BTAF1: variants seen among roughly 807,000 people sequenced by gnomAD.
The protein encoded by BTAF1 is TATA-binding protein-associated factor 172.
A neutral mutation model predicts 227.1 loss-of-function variants in BTAF1; 38 were observed. The ratio of observed to expected loss-of-function variants is 0.17; its 90% CI spans 0.13 to 0.22. The LOEUF is 0.22. Ranked by LOEUF, BTAF1 falls within the 10% of genes least tolerant of loss-of-function variation. The probability of loss-of-function intolerance (pLI) is 1.00; values close to 1 mark genes in which losing one functional copy is unlikely to be tolerated. For synonymous variants in BTAF1, 742 were observed against 751.9 expected, an observed-to-expected ratio of 0.99 and a Z score of 0.21; for missense variants, 1,598 against 2,204.0, an observed-to-expected ratio of 0.73 and a Z score of 5.51.
In BTAF1 at chr10:91,989,503, C is replaced by T; in HGVS notation, c.2777C>T (p.Ser926Leu). 2 of 1,613,852 alleles carry T rather than the reference C, an allele frequency of 1.2e-6. No homozygotes were observed. The highest frequency in any genetic ancestry group is 1.7e-6 in the Non-Finnish European group (2 of 1,180,036). ...AAAATTATTAAAAACCTCTGTAGCT[C>T]ACTTTGTGTGGACCCATATCTAACT... Reference protein sequence around the residue: ...NSKIIKNLCSSLCVDPYLTPC... With the variant: ...NSKIIKNLCSLLCVDPYLTPC... Residue 926 changes from serine to leucine, a missense_variant, in exon 20 of 38, where the codon TCA becomes TTA. Physicochemically the swap from Ser to Leu is moderately radical, Grantham distance 145. Transcript: ENST00000265990.
At chr10:92,019,547 A>G (rs1186561356) in intron 34 of BTAF1, among the ~76,000 whole-genome samples, 1 of 152,220 alleles carries the variant, frequency 6.6e-6, no homozygotes. Flanking sequence ...GGTAGGTCAT[A>G]CAGCATTTCT....
intron 4 of BTAF1, among the ~76,000 whole-genome samples, chr10:91,947,998 G>T (rs1015762996): frequency 6.6e-6 from 1 of 151,854 alleles, no homozygotes; most frequent in Non-Finnish European, 1.5e-5. Context: ...TGGGTACTTT[G>T]TATTGCTTTA....
intron 19 of BTAF1, among the ~76,000 whole-genome samples, chr10:91,984,916 G>A (rs565563285): frequency 6.6e-5 from 10 of 151,774 alleles, no homozygotes; most frequent in Admixed American, 2.0e-4. Context: ...TTTTAAATGC[G>A]TTTCTAAGTA....
intron 19 of BTAF1, among the ~76,000 whole-genome samples, chr10:91,987,200 T>C (rs1181070671): frequency 6.6e-6 from 1 of 151,806 alleles, no homozygotes; most frequent in Non-Finnish European, 1.5e-5. Flanking sequence ...CTCATGTGTT[T>C]AGGCCGGGCG....
At chr10:92,000,539 G>T (rs1321085801) in intron 25 of BTAF1, among the ~76,000 whole-genome samples, 1 of 151,990 alleles carries the variant, frequency 6.6e-6, no homozygotes, top group Non-Finnish European at 1.5e-5. Context: ...TAGTCTTTTG[G>T]GGTTTTCTTG....
chr10:92,000,489 C>T (rs574412361), intron 25 of BTAF1, among the ~76,000 whole-genome samples: 4 of 152,288 alleles, frequency 2.6e-5, no homozygotes, highest in Admixed American at 2.6e-4. Flanking sequence ...CTCACATCCA[C>T]TGTGAGGTGA....
chr10:92,009,559 T>A lies in BTAF1; in HGVS notation c.4103+351T>A, dbSNP rs147709122. On this transcript the variant is annotated intron_variant, in intron 28 of 37. Transcript: ENST00000265990. ...TTCCTGAGAGCTCTCCTTTGAGCCA[T>A]GTGCAGGGGAATATTCCTGTAGTCC... 6.6e-5 allele frequency among the ~76,000 whole-genome samples: 10 copies of A among 152,318 alleles called. No homozygotes were observed. In the East Asian group the frequency reaches 1.9e-3, roughly 29 times the overall value.
At chr10:91,993,563 A>G in intron 21 of BTAF1, 131 bp from the exon 22 acceptor site, 1 of 703,448 alleles carries the variant, frequency 1.4e-6, no homozygotes, top group Non-Finnish European at 2.1e-6. Flanking sequence ...AAACATGTCT[A>G]ATAATTGCTT....
intron 4 of BTAF1, among the ~76,000 whole-genome samples, chr10:91,947,381 G>C (rs1163337098): frequency 6.6e-6 from 1 of 151,486 alleles, no homozygotes; most frequent in African/African-American, 2.4e-5. Context: ...AGTTTTTTTT[G>C]TATATGTTTT....
At chr10:91,979,976 G>A (rs1847957889) in intron 14 of BTAF1, among the ~76,000 whole-genome samples, 1 of 152,148 alleles carries the variant, frequency 6.6e-6, no homozygotes, top group Non-Finnish European at 1.5e-5. Flanking sequence ...TAATTTTGTA[G>A]TGAACTCCAA....
At chr10:91,997,772 TTAAAGACA>T in intron 25 of BTAF1, 21 bp downstream of exon 25, 1 of 1,609,178 alleles carries the variant, frequency 6.2e-7, no homozygotes, top group Non-Finnish European at 8.5e-7. Flanking sequence ...GATACTTGCT[TTAAAGACA>T]TAATGTTTTC....
At chr10:91,997,580 A>G (rs1427201761) in intron 24 of BTAF1, 23 bp from the exon 25 acceptor site, 15 of 1,606,236 alleles carry the variant, frequency 9.3e-6, no homozygotes, top group Admixed American at 1.7e-5. Flanking sequence ...ACCATTTCAA[A>G]ATTTCCTTAA....
At position 92,024,741 on chromosome 10, in the gene BTAF1, T is replaced by TTTTTTTG. The variant is rs1484403556; in HGVS notation, c.4864-10_4864-9insTGTTTTT. ...ATTGAACGCTTATGTAGTTTTTTTTTTTTTTCTTCCTAAGTTGCTGTTGGA... is the reference window on the plus strand; with the variant it reads ...ATTGAACGCTTATGTAGTTTTTTTTTTTTTTTGTTTTTCTTCCTAAGTTGCTGTTGGA... On this transcript the variant is annotated splice_polypyrimidine_tract_variant and intron_variant, in intron 34 of 37. Transcript: ENST00000265990. 14 of 1,575,580 alleles carry TTTTTTTG rather than the reference T, an allele frequency of 8.9e-6. No individual in the cohort carries two copies. The highest frequency in any genetic ancestry group is 4.0e-4 in the Middle Eastern group (2 of 4,960).
At chr10:91,963,495 T>G (rs1846672051) in intron 12 of BTAF1, among the ~76,000 whole-genome samples, 1 of 152,090 alleles carries the variant, frequency 6.6e-6, no homozygotes, top group Non-Finnish European at 1.5e-5. Flanking sequence ...CTCAAACTCC[T>G]AAGCTCAAGA....
At position 92,027,003 on chromosome 10, in the gene BTAF1, C is replaced by G. The variant is rs1851559287; in HGVS notation, c.5236-127C>G. Reference sequence around the variant, plus strand: ...CTGCACACATTTTGAGCTCATGTGGCCAGACAAAATAAAAATCCAACCCTA... The same window carrying G: ...CTGCACACATTTTGAGCTCATGTGGGCAGACAAAATAAAAATCCAACCCTA... On this transcript the variant is annotated intron_variant, in intron 36 of 37. Transcript: ENST00000265990. 19 of 1,044,054 alleles carry G rather than the reference C, an allele frequency of 1.8e-5. No individual in the cohort carries two copies. The South Asian group carries it at 3.2e-4, about 18-fold the overall frequency. 64.7% of individuals were successfully genotyped at this position (1,044,054 alleles called of 1,614,324 possible). A position where few individuals can be genotyped will look rare whatever the true frequency, so the allele number is the denominator to read the frequency against.
chr10:91,999,448 G>C (rs1279135044), intron 25 of BTAF1, among the ~76,000 whole-genome samples: 1 of 152,016 alleles, frequency 6.6e-6, no homozygotes, highest in Non-Finnish European at 1.5e-5. Context: ...AGGCTGGAGT[G>C]CAATGGCGCG....
chr10:92,008,794 G>T (rs746627057), intron 26 of BTAF1, 35 bp from the exon 27 acceptor site: 3 of 1,511,348 alleles, frequency 2.0e-6, no homozygotes. Flanking sequence ...ATAAATTTAT[G>T]ATGTATTCAC....
rs1406553736 is a variant in BTAF1, at chr10:91,992,316, A to T, written c.3045+7A>T. 1 of 1,513,238 alleles carries T rather than the reference A, an allele frequency of 6.6e-7. No individual in the cohort carries two copies. 93.7% of individuals were successfully genotyped at this position (1,513,238 alleles called of 1,614,324 possible). On this transcript the variant is annotated splice_region_variant and intron_variant, in intron 21 of 37. Coordinates refer to ENST00000265990, the MANE Select transcript of BTAF1 (RefSeq NM_003972.3). ...TCTTGTTGAACTTGATGAGGTAAGT[A>T]GTTTTTTTTTTTTTTTAATGCTTTG...
intron 19 of BTAF1, among the ~76,000 whole-genome samples, chr10:91,985,653 C>T (rs1300635408): frequency 6.6e-6 from 1 of 152,076 alleles, no homozygotes; most frequent in East Asian, 1.9e-4. Flanking sequence ...TTGATGTGGT[C>T]AGTTCTTTTA....
Sources: gnomAD v4.1 joint callset for allele counts (sites outside exome capture counted in the v4.1 genomes callset) on GRCh38, gnomAD v4.1.1 for gene constraint, MANE v1.5 for transcripts, NCBI Gene and HGNC (gene_info 2026-07-23, HGNC 2026-07-21) for gene names.